The following JMJD6 variants were observed in gnomAD, a reference collection of about 807,000 sequenced individuals.
JMJD6 encodes jumonji domain containing 6, arginine demethylase and lysine hydroxylase.
Under a neutral mutation model 45.8 loss-of-function variants are expected in JMJD6, and 17 were observed. The ratio of observed to expected loss-of-function variants is 0.37; its 90% confidence interval spans 0.25 to 0.56. JMJD6 has a LOEUF of 0.56. Ranked by LOEUF, JMJD6 falls within the 20% of genes least tolerant of loss-of-function variation. The probability of loss-of-function intolerance (pLI) is 0.79; values close to 1 mark genes in which losing one functional copy is unlikely to be tolerated. For synonymous variants in JMJD6, 221 were observed against 196.3 expected, an observed-to-expected ratio of 1.13 and a Z score of -1.05; for missense variants, 470 against 517.5, an observed-to-expected ratio of 0.91 and a Z score of 0.89.
At chr17:76,717,677 G>T (rs941114570), downstream of JMJD6, among the ~76,000 whole-genome samples, 3 of 151,744 alleles carry the variant, frequency 2.0e-5, no homozygotes, top group African/African-American at 7.3e-5. Context: ...GAGAGACTTT[G>T]TCACTACTAA....
Position 76,725,782 on chromosome 17 carries a change from T to C in JMJD6, c.203A>G (p.Lys68Arg), listed in dbSNP as rs757842281. The change falls in exon 2 of 6, where the codon AAG becomes AGG. Residue 68 changes from lysine to arginine, a missense_variant. This residue lies in a region of JMJD6 where 346 missense variants were observed against 339.5 expected (regional missense o/e 1.02). Transcript: ENST00000397625. ...EFVERYERPY[K>R]PVVLLNAQEG... ...TTGCGCATTCAACAAAACCACGGGC[T>C]TGTAAGGTCTTTCATACCGCTCCAC... 1 of 1,614,076 alleles carries C rather than the reference T, an allele frequency of 6.2e-7. No individual in the cohort carries two copies. The highest frequency in any genetic ancestry group is 8.5e-7 in the Non-Finnish European group (1 of 1,180,026).
At chr17:76,724,104 C>T in intron 2 of JMJD6, 46 bp from the exon 3 acceptor site, 1 of 1,581,218 alleles carries the variant, frequency 6.3e-7, no homozygotes, top group South Asian at 1.1e-5. Context: ...TTTACTTACA[C>T]ACATACCACA....
At chr17:76,715,814 T>C (rs1243063086), downstream of JMJD6, 2 of 152,356 alleles carry the variant, frequency 1.3e-5, no homozygotes, top group Non-Finnish European at 1.5e-5. Context: ...GTTAGTTATT[T>C]AGAAGTATCA....
downstream of JMJD6, chr17:76,714,046 T>G (rs2240775): frequency 6.6e-6 from 1 of 152,056 alleles, no homozygotes; most frequent in Non-Finnish European, 1.5e-5. Flanking sequence ...GCTTGAATTA[T>G]TAAGACACGG....
downstream of JMJD6, chr17:76,718,422 G>A (rs2076783733): frequency 7.7e-7 from 1 of 1,293,824 alleles, no homozygotes; most frequent in African/African-American, 1.5e-5. Flanking sequence ...GGAATGTTCT[G>A]GTATTCTCAA....
At position 76,721,902 on chromosome 17, in the gene JMJD6, G is replaced by A. The variant is rs1049585855; in HGVS notation, c.837C>T (p.Asp279=). The A allele has an allele frequency of 1.2e-6, 2 of 1,614,058 alleles. No individual in the cohort carries two copies. Among genetic ancestry groups the A allele is most frequent in the African/African-American group, 1.3e-5 (1 of 74,912 alleles). Residue 279 remains aspartate (D), a synonymous_variant, in exon 4 of 6, where the codon GAC becomes GAT. Transcript: ENST00000397625. ...GGWWHVVLNL[D]TTIAITQNFA... is the part of the protein sequence containing the mutation. ...AATTTTGGGTGATGGCGATAGTAGT[G>A]TCGAGATTGAGGACAACATGCCACC...
intron 4 of JMJD6, chr17:76,721,501 C>T (rs902269147): frequency 7.5e-6 from 3 of 401,974 alleles, no homozygotes; most frequent in East Asian, 8.8e-5. Flanking sequence ...TTTTAGCTAG[C>T]GCTAGCTTTG....
At position 76,723,948 on chromosome 17, in the gene JMJD6, G is replaced by A; in HGVS notation, c.629C>T (p.Pro210Leu). Residue 210 changes from proline (P) to leucine (L), a missense_variant, in exon 3 of 6, where the codon CCT (proline) becomes CTT (leucine). Pro to Leu is a moderately conservative substitution (Grantham distance 98, BLOSUM62 -3). This residue lies in a region of JMJD6 where 346 missense variants were observed against 339.5 expected (regional missense o/e 1.02). Coordinates refer to ENST00000397625, the MANE Select transcript of JMJD6 (RefSeq NM_015167.3). ...VQGHKRWCLF[P>L]TSTPRELIKV... ...GATGAGTTCCCTGGGAGTGCTGGTA[G>A]GAAACAGGCACCAGCGCTTGTGGCC... is the stretch of plus-strand genomic sequence containing the variant. The A allele has an allele frequency of 1.2e-6, 2 of 1,614,124 alleles. No homozygotes were observed. The highest frequency in any genetic ancestry group is 1.3e-5 in the African/African-American group (1 of 75,002).
At chr17:76,724,854 T>G (rs1231624050) in intron 2 of JMJD6, among the ~76,000 whole-genome samples, 3 of 151,874 alleles carry the variant, frequency 2.0e-5, no homozygotes, top group African/African-American at 7.3e-5. Flanking sequence ...GAAAAATCAC[T>G]AATGTGGTTT....
chr17:76,714,139 T>A (rs2076748214), downstream of JMJD6: 1 of 152,236 alleles, frequency 6.6e-6, no homozygotes, highest in Non-Finnish European at 1.5e-5. Flanking sequence ...AACATCCCAG[T>A]ACCACTAATG....
chr17:76,724,224 T>G (rs1598380972), intron 2 of JMJD6, among the ~76,000 whole-genome samples, 166 bp from the exon 3 acceptor site: 1 of 152,230 alleles, frequency 6.6e-6, no homozygotes, highest in Non-Finnish European at 1.5e-5. Flanking sequence ...CAGGTTCATG[T>G]GATTCTCCTG....
intron 5 of JMJD6, 104 bp from the exon 6 acceptor site, chr17:76,718,964 T>C: frequency 1.8e-6 from 2 of 1,133,254 alleles, no homozygotes; most frequent in Non-Finnish European, 2.5e-6. Flanking sequence ...TTGGTCACTT[T>C]CTCCCAAATG....
rs1020257817 is a variant in JMJD6 at position 76,726,548 on chromosome 17, C to G, written c.-73G>C. On this transcript the variant is annotated 5_prime_UTR_variant, in exon 1 of 6. Coordinates refer to ENST00000397625, the MANE Select transcript of JMJD6 (RefSeq NM_015167.3). Reference sequence around the variant, plus strand: ...TTCCTGACACTAACGCACCCCTCCCCGGCCTGGGCGGCGGCGACGGCAGTA... The same window carrying G: ...TTCCTGACACTAACGCACCCCTCCCGGGCCTGGGCGGCGGCGACGGCAGTA... The G allele has an allele frequency of 3.3e-6, 5 of 1,502,448 alleles. No homozygotes were observed. Among genetic ancestry groups the G allele is most frequent in the East Asian group, 5.0e-5 (2 of 39,846 alleles). 93.1% of individuals were successfully genotyped at this position (1,502,448 alleles called of 1,614,324 possible).
At chr17:76,721,972 C>A (rs1223955380) in intron 3 of JMJD6, 39 bp from the exon 4 acceptor site, 1 of 1,609,476 alleles carries the variant, frequency 6.2e-7, no homozygotes, top group Non-Finnish European at 8.5e-7. Context: ...AAGGTTTGAT[C>A]CTATACCTAA....
At chr17:76,718,909 C>G in intron 5 of JMJD6, 49 bp from the exon 6 acceptor site, 1 of 1,584,434 alleles carries the variant, frequency 6.3e-7, no homozygotes, top group Non-Finnish European at 8.6e-7. Context: ...ATGCAACCCA[C>G]TTCTTCATTA....
chr17:76,725,972 G>A, intron 1 of JMJD6, 117 bp from the exon 2 acceptor site: 2 of 1,295,954 alleles, frequency 1.5e-6, no homozygotes, highest in South Asian at 1.6e-5. Flanking sequence ...ACTCTCGTCT[G>A]GCTCCTCCGG....
At chr17:76,721,773 G>C in intron 4 of JMJD6, 25 bp downstream of exon 4, 1 of 1,609,150 alleles carries the variant, frequency 6.2e-7, no homozygotes, top group Non-Finnish European at 8.5e-7. Flanking sequence ...AAACCAAGCA[G>C]AAATAAGAAA....
chr17:76,720,598 AATGCCAGGT>A, intron 4 of JMJD6, 100 bp from the exon 5 acceptor site: 1 of 1,192,166 alleles, frequency 8.4e-7, no homozygotes, highest in Admixed American at 1.7e-5. Flanking sequence ...AACACCTGGG[AATGCCAGGT>A]GTGTCCGTTC....
At chr17:76,720,954 T>C (rs1339817220) in intron 4 of JMJD6, among the ~76,000 whole-genome samples, 4 of 152,176 alleles carry the variant, frequency 2.6e-5, no homozygotes, top group African/African-American at 9.7e-5. Context: ...TAGAAACAAT[T>C]AGATTTGTAA....
Sources: gnomAD v4.1 joint callset for allele counts (sites outside exome capture counted in the v4.1 genomes callset) on GRCh38, gnomAD v4.1.1 for gene constraint, gnomAD v4.1.1 regional missense constraint, MANE v1.5 for transcripts, NCBI Gene and HGNC (gene_info 2026-07-23, HGNC 2026-07-21) for gene names.